The following INSL6 variants were observed in gnomAD, a reference collection of about 807,000 sequenced individuals.
The protein encoded by INSL6 is insulin-like peptide INSL6.
INSL6 carries 16 observed loss-of-function variants against 9.4 expected under a neutral mutation model. That is an observed-to-expected ratio of 1.70 (90% CI 1.15 to 2.59). INSL6 has a LOEUF of 2.59. INSL6 is among the 30% of genes most tolerant of loss of function. INSL6 has a pLI of 0.00. For synonymous variants in INSL6, 154 were observed against 96.9 expected, an observed-to-expected ratio of 1.59 and a Z score of -3.46; for missense variants, 391 against 257.3, an observed-to-expected ratio of 1.52 and a Z score of -3.56.
chr9:5,078,006 T>C, the INSL6 span, among the ~76,000 whole-genome samples: 1 of 152,182 alleles, frequency 6.6e-6, no homozygotes, highest in Admixed American at 6.5e-5. Flanking sequence ...ACTGAAGTAG[T>C]ATTTCTTAAT....
chr9:5,042,587 C>CCCAG, the INSL6 span, among the ~76,000 whole-genome samples: 1 of 138,824 alleles, frequency 7.2e-6, no homozygotes, highest in African/African-American at 2.9e-5. Context: ...ATCCTGGAGG[C>CCCAG]CCCCAGGGCT....
At chr9:5,152,771 A>G (rs756933837) in intron 2 of INSL6, among the ~76,000 whole-genome samples, 46 of 152,252 alleles carry the variant, frequency 3.0e-4, no homozygotes, top group Non-Finnish European at 5.4e-4. Context: ...ATGGCCAAAC[A>G]GGAACAGCTC....
At chr9:5,086,341 CCT>C in the INSL6 span, among the ~76,000 whole-genome samples, 3 of 152,154 alleles carry the variant, frequency 2.0e-5, no homozygotes, top group African/African-American at 7.2e-5. Context: ...TCGCTTCACT[CCT>C]AGCGGTTTTG....
chr9:5,007,975 C>T, the INSL6 span, among the ~76,000 whole-genome samples: 25 of 152,012 alleles, frequency 1.6e-4, no homozygotes, highest in Non-Finnish European at 2.9e-4. Context: ...ATGATCCCCC[C>T]GCCTCGGCCT....
chr9:5,089,890 A>C, the INSL6 span: 3 of 1,417,934 alleles, frequency 2.1e-6, no homozygotes, highest in Admixed American at 7.8e-5. Context: ...AACCTATTTT[A>C]AATTCAAGGT....
At position 5,185,228 on chromosome 9, in the gene INSL6, T is replaced by G. The variant is rs1825541182; in HGVS notation, c.289+86A>C. On this transcript the variant is annotated intron_variant, in intron 1 of 1. Coordinates refer to ENST00000381641, the MANE Select transcript of INSL6 (RefSeq NM_007179.3). ...TGTACTAGGCACAAATTCCACTTCCTGGGGAAGCTCACCTTCTGGCAGAGC... is the reference window on the plus strand; with the variant it reads ...TGTACTAGGCACAAATTCCACTTCCGGGGGAAGCTCACCTTCTGGCAGAGC... The G allele has an allele frequency of 1.9e-6, 3 of 1,551,694 alleles. No individual in the cohort carries two copies. The South Asian group carries it at 3.4e-5, about 17-fold the overall frequency.
the INSL6 span, among the ~76,000 whole-genome samples, chr9:5,074,507 G>C: frequency 6.6e-6 from 1 of 152,096 alleles, no homozygotes; most frequent in Non-Finnish European, 1.5e-5. Context: ...AATCTTTAAT[G>C]CTAGTATTGT....
the INSL6 span, among the ~76,000 whole-genome samples, chr9:5,074,159 A>G: frequency 6.6e-6 from 1 of 152,134 alleles, no homozygotes; most frequent in Admixed American, 6.5e-5. Flanking sequence ...TGATACACTT[A>G]ATTTTTAATG....
chr9:5,185,632 T>C lies in INSL6; in HGVS notation c.-30A>G, dbSNP rs1298395655. The C allele has an allele frequency of 1.5e-5, 24 of 1,594,312 alleles. No individual in the cohort carries two copies. The highest frequency in any genetic ancestry group is 2.0e-5 in the Non-Finnish European group (24 of 1,171,928). ...GTGACCCCAGGCTAGTCCTCCGCGT[T>C]GTGCAATGGCGGTCGGCCGGACCCT... On this transcript the variant is annotated 5_prime_UTR_variant, in exon 1 of 2. Transcript: ENST00000381641.
the INSL6 span, chr9:5,054,612 C>G: frequency 6.2e-7 from 1 of 1,612,120 alleles, no homozygotes; most frequent in Non-Finnish European, 8.5e-7. The surrounding 1 kb of genome is among the most constrained non-coding windows in gnomAD (Gnocchi z 4.9). Flanking sequence ...CCAAGACTAT[C>G]ATATTTTGAC....
the INSL6 span, among the ~76,000 whole-genome samples, chr9:5,072,945 C>T: frequency 1.3e-5 from 2 of 150,036 alleles, no homozygotes; most frequent in South Asian, 4.2e-4. Context: ...TCTACAATTA[C>T]ATTTATTTGA....
chr9:5,062,242 A>T, the INSL6 span, among the ~76,000 whole-genome samples: 1 of 152,066 alleles, frequency 6.6e-6, no homozygotes, highest in East Asian at 1.9e-4. Context: ...CTGATTTCAG[A>T]ACTTGAATAT....
At chr9:5,183,406 A>AT (rs1825501268) in intron 1 of INSL6, among the ~76,000 whole-genome samples, 1 of 152,152 alleles carries the variant, frequency 6.6e-6, no homozygotes. Flanking sequence ...TTTCAGATAC[A>AT]TTTTTATTTT....
the INSL6 span, chr9:5,022,088 A>G: frequency 6.2e-7 from 1 of 1,613,844 alleles, no homozygotes; most frequent in East Asian, 2.2e-5. Flanking sequence ...TCTATGAAGC[A>G]AATAGATCCA....
chr9:5,075,645 T>C, the INSL6 span, among the ~76,000 whole-genome samples: 1 of 152,214 alleles, frequency 6.6e-6, no homozygotes, highest in East Asian at 1.9e-4. Context: ...TTACTGATCA[T>C]TGACAATGCA....
At chr9:5,083,680 C>G in the INSL6 span, among the ~76,000 whole-genome samples, 1 of 151,994 alleles carries the variant, frequency 6.6e-6, no homozygotes, top group Non-Finnish European at 1.5e-5. Flanking sequence ...GGAATATATA[C>G]TGGTATTTAA....
the INSL6 span, among the ~76,000 whole-genome samples, chr9:5,031,711 C>T: frequency 1.3e-5 from 2 of 152,162 alleles, no homozygotes; most frequent in Non-Finnish European, 2.9e-5. Context: ...GGAATGACTG[C>T]AATTGTCAAC....
chr9:5,054,991 G>A, the INSL6 span: 1 of 770,998 alleles, frequency 1.3e-6, no homozygotes. This position sits in a 1 kb window ranked among gnomAD's most constrained non-coding sequence, Gnocchi z 4.9. Context: ...TCTCCCATTT[G>A]ATAGAAGTGG....
the INSL6 span, among the ~76,000 whole-genome samples, chr9:5,082,286 A>C: frequency 6.6e-6 from 1 of 152,232 alleles, no homozygotes; most frequent in Non-Finnish European, 1.5e-5. Context: ...AAGGTCAGCA[A>C]GAAAACATGT....
Sources: gnomAD v4.1 joint callset for allele counts (sites outside exome capture counted in the v4.1 genomes callset) on GRCh38, gnomAD v4.1.1 for gene constraint, Gnocchi (gnomAD v3.1) non-coding constraint, MANE v1.5 for transcripts, NCBI Gene and HGNC (gene_info 2026-07-23, HGNC 2026-07-21) for gene names.